TRIM25: variants seen among roughly 807,000 people sequenced by gnomAD.
TRIM25 encodes E3 ubiquitin/ISG15 ligase TRIM25.
A neutral mutation model predicts 65.2 loss-of-function variants in TRIM25; 45 were observed. The ratio of observed to expected loss-of-function variants is 0.69; its 90% confidence interval spans 0.54 to 0.89. TRIM25 has a LOEUF of 0.89. TRIM25 is among the 40% of genes least tolerant of loss of function. The probability of loss-of-function intolerance (pLI) is 0.00; values close to 1 mark genes in which losing one functional copy is unlikely to be tolerated. For synonymous variants in TRIM25, 321 were observed against 340.4 expected (o/e 0.94, Z 0.63); for missense variants, 714 against 803.7 (o/e 0.89, Z 1.35).
In TRIM25 at chr17:56,891,146, T is replaced by C. The variant is rs1909161694; in HGVS notation, c.*554A>G. On this transcript the variant is annotated 3_prime_UTR_variant, in exon 9 of 9. Coordinates refer to ENST00000316881, the MANE Select transcript of TRIM25 (RefSeq NM_005082.5). The stretch of plus-strand genomic sequence containing the variant: ...TGCCTCTTTAGGAAACTGTTCTGGG[T>C]AGAGACTGCTGTGGGTGTTTCCTCA... 2.8e-6 allele frequency: 1 copy of C among 357,142 alleles called. No individual in the cohort carries two copies. Among genetic ancestry groups the C allele is most frequent in the Non-Finnish European group, 5.6e-6 (1 of 180,086 alleles). The allele number at this position is 357,142 out of a possible 1,614,324, so 22.1% of individuals were successfully genotyped here.
Position 56,891,577 on chromosome 17 carries a change from C to T in TRIM25, c.*123G>A. ...CCACCTCCCACCCTCCCGCCAGCTCCCCTCCCATGCTCCCAATCCTTGGGA... is the reference window on the plus strand; with the variant it reads ...CCACCTCCCACCCTCCCGCCAGCTCTCCTCCCATGCTCCCAATCCTTGGGA... On this transcript the variant is annotated 3_prime_UTR_variant, in exon 9 of 9. Transcript: ENST00000316881. 1 of 1,041,608 alleles carries T rather than the reference C, an allele frequency of 9.6e-7. No homozygotes were observed. Among genetic ancestry groups the T allele is most frequent in the Non-Finnish European group, 1.4e-6 (1 of 731,694 alleles). 64.5% of individuals were successfully genotyped at this position (1,041,608 alleles called of 1,614,324 possible). A position where few individuals can be genotyped will look rare whatever the true frequency, so the allele number is the denominator to read the frequency against.
chr17:56,902,344 C>T (rs933944159), intron 3 of TRIM25, among the ~76,000 whole-genome samples: 2 of 152,226 alleles, frequency 1.3e-5, no homozygotes, highest in South Asian at 2.1e-4. Flanking sequence ...ATGCCAAGCA[C>T]TCTGCTATGT....
Position 56,891,472 on chromosome 17 carries a change from C to A in TRIM25, c.*228G>T, listed in dbSNP as rs999538477. On this transcript the variant is annotated 3_prime_UTR_variant, in exon 9 of 9. Transcript: ENST00000316881. ...TCCAGAACAATGGGGAGTAGGTCACCCTGCCCTGATAGGCACCAGGGGGTG... is the reference window on the plus strand; with the variant it reads ...TCCAGAACAATGGGGAGTAGGTCACACTGCCCTGATAGGCACCAGGGGGTG... The A allele has an allele frequency of 8.3e-5, 48 of 580,028 alleles. No individual in the cohort carries two copies. Among genetic ancestry groups the A allele is most frequent in the African/African-American group, 6.0e-4 (32 of 53,400 alleles). The allele number at this position is 580,028 out of a possible 1,614,324, so 35.9% of individuals were successfully genotyped here.
chr17:56,891,982 G>GC lies in TRIM25; in HGVS notation c.1610dup (p.Glu539ArgfsTer26). 6.2e-7 allele frequency: 1 copy of GC among 1,614,200 alleles called. No homozygotes were observed. Among genetic ancestry groups the GC allele is most frequent in the South Asian group, 1.1e-5 (1 of 91,084 alleles). On this transcript the variant is annotated frameshift_variant, in exon 9 of 9. Coordinates refer to ENST00000316881, the MANE Select transcript of TRIM25 (RefSeq NM_005082.5). LOFTEE classifies it high-confidence loss of function. ...TGTTGCGGCCGAGCCTGCTTTCTGG[G>GC]CCCTGCCGGTTCATGCTTCCGTAGC...
chr17:56,893,241 G>T (rs1909219066), intron 8 of TRIM25, among the ~76,000 whole-genome samples: 1 of 152,214 alleles, frequency 6.6e-6, no homozygotes. Flanking sequence ...TTGCTAGGTG[G>T]CTCAGGGCAT....
chr17:56,892,105 T>A lies in TRIM25; in HGVS notation c.1488A>T (p.Thr496=). ...GCAGGCCCAGCACCTGAGAGCAGTA[T>A]GTGAACCTCTGGGGATGCGGCCGGT... ...QNYRPHPQRF[T]YCSQVLGLHC... The change falls in exon 9 of 9, where the codon ACA becomes ACT. Residue 496 remains threonine, a synonymous_variant. Transcript: ENST00000316881. 6.2e-7 allele frequency: 1 copy of A among 1,614,188 alleles called. No individual in the cohort carries two copies.
intron 5 of TRIM25, among the ~76,000 whole-genome samples, chr17:56,896,886 C>T (rs1909305090): frequency 6.6e-6 from 1 of 151,752 alleles, no homozygotes; most frequent in Admixed American, 6.6e-5. Context: ...AGGAGGATTG[C>T]TTGAGGCCAG....
At position 56,913,503 on chromosome 17, in the gene TRIM25, C is replaced by G. The variant is rs1909670725; in HGVS notation, c.486G>C (p.Arg162=). ...GCTCGGGGCAGAAAAATTCCCGCAG[C>G]CGATTGTGCTGGGAACATTTGCGGC... ...LLRRKCSQHN[R]LREFFCPEHS... is the part of the protein sequence containing the mutation. Residue 162 remains arginine, a synonymous_variant, in exon 1 of 9, where the codon CGG becomes CGC. Coordinates refer to ENST00000316881, the MANE Select transcript of TRIM25 (RefSeq NM_005082.5). This position sits in a 1 kb window ranked among gnomAD's most constrained non-coding sequence, Gnocchi z 6.1. 6.2e-7 allele frequency: 1 copy of G among 1,613,510 alleles called. No homozygotes were observed. The highest frequency in any genetic ancestry group is 8.5e-7 in the Non-Finnish European group (1 of 1,179,766).
rs1225197574 is a variant in TRIM25, at chr17:56,913,337, T to C, written c.597+55A>G. The C allele has an allele frequency of 6.8e-7, 1 of 1,479,768 alleles. No individual in the cohort carries two copies. Among genetic ancestry groups the C allele is most frequent in the Non-Finnish European group, 9.0e-7 (1 of 1,109,240 alleles). 91.7% of individuals were successfully genotyped at this position (1,479,768 alleles called of 1,614,324 possible). A position where few individuals can be genotyped will look rare whatever the true frequency, so the allele number is the denominator to read the frequency against. On this transcript the variant is annotated intron_variant, in intron 1 of 8. Transcript: ENST00000316881. This position sits in a 1 kb window ranked among gnomAD's most constrained non-coding sequence, Gnocchi z 6.1. ...TGGCAGAGAGGCCCCCGGTGGCCCC[T>C]CTGCACCACCCATCAGGCCAGGCTG...
intron 2 of TRIM25, 127 bp from the exon 3 acceptor site, chr17:56,904,615 G>T: frequency 1.2e-6 from 1 of 818,022 alleles, no homozygotes; most frequent in Non-Finnish European, 2.0e-6. Flanking sequence ...ACAAACCACT[G>T]TGGGGAGCAA....
At position 56,891,208 on chromosome 17, in the gene TRIM25, G is replaced by A. The variant is rs1363344345; in HGVS notation, c.*492C>T. ...TAACCAGGAGATCAAGCCCCAACAT[G>A]CGGGTAATGGAGTTTATGTAACATT... On this transcript the variant is annotated 3_prime_UTR_variant, in exon 9 of 9. Coordinates refer to ENST00000316881, the MANE Select transcript of TRIM25 (RefSeq NM_005082.5). 1 of 342,236 alleles carries A rather than the reference G, an allele frequency of 2.9e-6. No individual in the cohort carries two copies. The highest frequency in any genetic ancestry group is 2.2e-5 in the African/African-American group (1 of 46,378). The allele number at this position is 342,236 out of a possible 1,614,324, so 21.2% of individuals were successfully genotyped here.
intron 8 of TRIM25, among the ~76,000 whole-genome samples, chr17:56,894,530 A>G (rs1055532658): frequency 2.0e-4 from 30 of 152,228 alleles, no homozygotes; most frequent in Non-Finnish European, 3.7e-4. Context: ...GATTACAGGC[A>G]TGAGCCACCG....
rs1395423419 is a variant in TRIM25, at chr17:56,891,497, G to A, written c.*203C>T. ...CCTGCCCTGATAGGCACCAGGGGGTGGAAACGCCTCCTCGCCCACAACACA... is the reference window on the plus strand; with the variant it reads ...CCTGCCCTGATAGGCACCAGGGGGTAGAAACGCCTCCTCGCCCACAACACA... On this transcript the variant is annotated 3_prime_UTR_variant, in exon 9 of 9. Coordinates refer to ENST00000316881, the MANE Select transcript of TRIM25 (RefSeq NM_005082.5). 1 of 665,218 alleles carries A rather than the reference G, an allele frequency of 1.5e-6. No homozygotes were observed. Among genetic ancestry groups the A allele is most frequent in the Non-Finnish European group, 2.5e-6 (1 of 402,262 alleles). The allele number at this position is 665,218 out of a possible 1,614,324, so 41.2% of individuals were successfully genotyped here. A position where few individuals can be genotyped will look rare whatever the true frequency, so the allele number is the denominator to read the frequency against.
chr17:56,913,032 C>T lies in TRIM25; in HGVS notation c.597+360G>A, dbSNP rs1249451787. 1.1e-5 allele frequency: 2 copies of T among 175,800 alleles called. No individual in the cohort carries two copies. Among genetic ancestry groups the T allele is most frequent in the Non-Finnish European group, 2.4e-5 (2 of 83,970 alleles). The allele number at this position is 175,800 out of a possible 1,614,324, so 10.9% of individuals were successfully genotyped here. ...TTGGGAGGCTGTGGTCCCAGCTACT[C>T]TTGAGGCTGAGGTAGGAGGATCCCT... On this transcript the variant is annotated intron_variant, in intron 1 of 8. Coordinates refer to ENST00000316881, the MANE Select transcript of TRIM25 (RefSeq NM_005082.5). The surrounding 1 kb of genome is among the most constrained non-coding windows in gnomAD (Gnocchi z 6.1).
At position 56,913,923 on chromosome 17, in the gene TRIM25, C is replaced by T; in HGVS notation, c.66G>A (p.Glu22=). The part of the protein sequence containing the change: ...SCSICLEPFK[E]PVTTPCGHNF... ...TGTGGCCGCACGGAGTGGTGACCGG[C>T]TCCTTGAAGGGCTCCAGGCAGATGG... Residue 22 remains glutamate (E), a synonymous_variant, in exon 1 of 9, where the codon GAG becomes GAA. Transcript: ENST00000316881. This position sits in a 1 kb window ranked among gnomAD's most constrained non-coding sequence, Gnocchi z 6.1. 1 of 1,581,318 alleles carries T rather than the reference C, an allele frequency of 6.3e-7. No homozygotes were observed. Among genetic ancestry groups the T allele is most frequent in the Non-Finnish European group, 8.6e-7 (1 of 1,164,394 alleles).
At chr17:56,903,626 A>G (rs750952601) in intron 3 of TRIM25, among the ~76,000 whole-genome samples, 2 of 152,150 alleles carry the variant, frequency 1.3e-5, no homozygotes, top group Admixed American at 6.5e-5. Flanking sequence ...AGGACGGTGA[A>G]TGAAATAGGA....
chr17:56,890,298 G>C lies in TRIM25; in HGVS notation c.*1402C>G, dbSNP rs1320143620. 9.1e-6 allele frequency: 3 copies of C among 329,668 alleles called. No individual in the cohort carries two copies. Among genetic ancestry groups the C allele is most frequent in the African/African-American group, 2.2e-5 (1 of 46,070 alleles). The allele number at this position is 329,668 out of a possible 1,614,324, so 20.4% of individuals were successfully genotyped here. ...AAAATCCAGCCATCCATTCACTCCC[G>C]CCCCTTAGTGGACTGGGTTATTTTC... On this transcript the variant is annotated 3_prime_UTR_variant, in exon 9 of 9. Coordinates refer to ENST00000316881, the MANE Select transcript of TRIM25 (RefSeq NM_005082.5).
chr17:56,894,799 G>C (rs1909252580), intron 8 of TRIM25, among the ~76,000 whole-genome samples: 1 of 152,224 alleles, frequency 6.6e-6, no homozygotes, highest in Non-Finnish European at 1.5e-5. Flanking sequence ...TGGGAAAGGG[G>C]CCAGGAGGCG....
Position 56,901,505 on chromosome 17 carries a change from A to T in TRIM25, c.1001T>A (p.Ile334Lys), listed in dbSNP as rs1048340291. ...TATGGTGCTCTGGTGGATGCCTTTTATCAGCTTGTGGTTCAGTTCCACCTC... is the reference window on the plus strand; with the variant it reads ...TATGGTGCTCTGGTGGATGCCTTTTTTCAGCTTGTGGTTCAGTTCCACCTC... The part of the protein sequence containing the change: ...IPEVELNHKL[I>K]KGIHQSTIDL... Residue 334 changes from isoleucine to lysine, a missense_variant, in exon 4 of 9, where the codon ATA (isoleucine) becomes AAA (lysine). This residue lies in a region of TRIM25 where 413 missense variants were observed against 498.2 expected (regional missense o/e 0.83). Transcript: ENST00000316881. 1.9e-6 allele frequency: 3 copies of T among 1,613,968 alleles called. No homozygotes were observed. Among genetic ancestry groups the T allele is most frequent in the Non-Finnish European group, 1.7e-6 (2 of 1,180,020 alleles).
Sources: gnomAD v4.1 joint callset for allele counts (sites outside exome capture counted in the v4.1 genomes callset) on GRCh38, gnomAD v4.1.1 for gene constraint, gnomAD v4.1.1 regional missense constraint, Gnocchi (gnomAD v3.1) non-coding constraint, MANE v1.5 for transcripts, NCBI Gene and HGNC (gene_info 2026-07-23, HGNC 2026-07-21) for gene names.